The following PIKFYVE variants were observed in gnomAD, a reference collection of about 807,000 sequenced individuals.
PIKFYVE encodes phosphoinositide kinase, FYVE-type zinc finger containing.
PIKFYVE carries 122 observed loss-of-function variants against 257.9 expected under a neutral mutation model. That is an observed-to-expected ratio of 0.47 (90% confidence interval 0.41 to 0.55). The LOEUF (loss-of-function observed/expected upper bound fraction) is 0.55. Among genes scored for constraint, PIKFYVE ranks in the 20% least tolerant of loss-of-function variants. The pLI is 0.00. For synonymous variants in PIKFYVE, 892 were observed against 868.9 expected, an observed-to-expected ratio of 1.03 and a Z score of -0.47; for missense variants, 2,160 against 2,536.6, an observed-to-expected ratio of 0.85 and a Z score of 3.19.
rs1695363665 is a variant in PIKFYVE at position 208,315,250 on chromosome 2, A to C, written c.1884A>C (p.Ser628=). The change falls in exon 15 of 42, where the codon TCA becomes TCC. Residue 628 remains serine, a synonymous_variant. Transcript: ENST00000264380. ...ALLQQLLHSD[S]LSSSWRDIIV... ...TCCAGCAGTTGCTCCATAGTGACTCACTGTCATCATCTTGGAGGGACATCA... is the reference window on the plus strand; with the variant it reads ...TCCAGCAGTTGCTCCATAGTGACTCCCTGTCATCATCTTGGAGGGACATCA... 1 of 1,614,110 alleles carries C rather than the reference A, an allele frequency of 6.2e-7. No homozygotes were observed. The highest frequency in any genetic ancestry group is 8.5e-7 in the Non-Finnish European group (1 of 1,179,960).
chr2:208,356,747 G>A lies in PIKFYVE; in HGVS notation c.*1442G>A, dbSNP rs1248535344. On this transcript the variant is annotated 3_prime_UTR_variant, in exon 42 of 42. Transcript: ENST00000264380. The stretch of plus-strand genomic sequence containing the variant: ...TTATTTTAAAAAGTGATCAGAAGTA[G>A]TAAACTATCTTTGAGGAAATACTGT... 2 of 152,624 alleles carry A rather than the reference G, an allele frequency of 1.3e-5. No individual in the cohort carries two copies. Among genetic ancestry groups the A allele is most frequent in the East Asian group, 3.8e-4 (2 of 5,202 alleles). The allele number at this position is 152,624 out of a possible 1,614,324, so 9.5% of individuals were successfully genotyped here. A position where few individuals can be genotyped will look rare whatever the true frequency, so the allele number is the denominator to read the frequency against.
Position 208,302,263 on chromosome 2 carries a change from A to G in PIKFYVE, c.1230A>G (p.Gly410=), listed in dbSNP as rs1693788317. 2 of 1,614,000 alleles carry G rather than the reference A, an allele frequency of 1.2e-6. No individual in the cohort carries two copies. The highest frequency in any genetic ancestry group is 1.7e-6 in the Non-Finnish European group (2 of 1,179,986). ...TCAGGGCACAAGCTATAGCAATTGG[A>G]CAAGCAATGGTTGATGGACGTTGGC... ...IATRAQAIAI[G]QAMVDGRWLD... Residue 410 remains glycine, a synonymous_variant, in exon 10 of 42, where the codon GGA becomes GGG. Transcript: ENST00000264380.
intron 5 of PIKFYVE, among the ~76,000 whole-genome samples, chr2:208,280,947 G>A (rs1690726418): frequency 6.7e-6 from 1 of 149,996 alleles, no homozygotes; most frequent in Non-Finnish European, 1.5e-5. Context: ...CTAAAGTGCT[G>A]CCTATTGGCC....
rs971881269 is a variant in PIKFYVE, at chr2:208,349,696, A to G, written c.5375-328A>G. Among the ~76,000 whole-genome samples the G allele has an allele frequency of 3.9e-5, 6 of 152,106 alleles. No individual in the cohort carries two copies. The East Asian group carries it at 7.7e-4, about 20-fold the overall frequency. ...TTCTACACACATGGGGAAAATAGTC[A>G]TAATAAAGAAGCCATGGAAGTTCTT... On this transcript the variant is annotated intron_variant, in intron 35 of 41. Coordinates refer to ENST00000264380, the MANE Select transcript of PIKFYVE (RefSeq NM_015040.4).
At chr2:208,266,785 G>C (rs1029721892) in intron 1 of PIKFYVE, among the ~76,000 whole-genome samples, 4 of 152,214 alleles carry the variant, frequency 2.6e-5, no homozygotes, top group African/African-American at 7.2e-5. Flanking sequence ...TGTCAGAGGC[G>C]CATCCGTAGG....
intron 14 of PIKFYVE, 34 bp downstream of exon 14, chr2:208,314,457 A>G (rs536526646): frequency 6.3e-7 from 1 of 1,590,622 alleles, no homozygotes; most frequent in East Asian, 2.3e-5. Flanking sequence ...TTAATTTTTC[A>G]CTTTTATTAT....
At chr2:208,299,125 C>T (rs1338621404) in intron 8 of PIKFYVE, among the ~76,000 whole-genome samples, 2 of 152,052 alleles carry the variant, frequency 1.3e-5, no homozygotes, top group African/African-American at 2.4e-5. Context: ...AGGTGTGAGC[C>T]ACTGCACCCA....
Position 208,354,136 on chromosome 2 carries a change from A to G in PIKFYVE, c.6083A>G (p.Asn2028Ser), listed in dbSNP as rs769033636. ...CTGGTTGGGCGAGATGATACTAGCA[A>G]TGAGCTAGTAGTTGGAATTATAGGT... The part of the protein sequence containing the change: ...SLLVGRDDTS[N>S]ELVVGIIDYI... The change falls in exon 40 of 42, where the codon AAT becomes AGT. Residue 2028 changes from asparagine (N) to serine (S), a missense_variant. By Grantham distance (46) the Asn-to-Ser change is conservative. Coordinates refer to ENST00000264380, the MANE Select transcript of PIKFYVE (RefSeq NM_015040.4). 10 of 1,613,418 alleles carry G rather than the reference A, an allele frequency of 6.2e-6. No homozygotes were observed. In the African/African-American group the frequency reaches 6.7e-5, roughly 11 times the overall value.
In PIKFYVE at chr2:208,335,580, TAAAAA is replaced by T. The variant is rs1559149005; in HGVS notation, c.4256+163_4256+167del. ...AATTGTAGACGCTATGGAAAGATAATAAAAAAGAAGCCAAACTCTTTTAGACATAA... is the reference window on the plus strand; with the variant it reads ...AATTGTAGACGCTATGGAAAGATAATAGAAGCCAAACTCTTTTAGACATAA... On this transcript the variant is annotated intron_variant, in intron 25 of 41. Coordinates refer to ENST00000264380, the MANE Select transcript of PIKFYVE (RefSeq NM_015040.4). Among the ~76,000 whole-genome samples the T allele has an allele frequency of 2.6e-5, 4 of 152,080 alleles. No homozygotes were observed. In the South Asian group the frequency reaches 8.3e-4, roughly 32 times the overall value.
At position 208,342,612 on chromosome 2, in the gene PIKFYVE, G is replaced by A. The variant is rs139010596; in HGVS notation, c.4990G>A (p.Glu1664Lys). Residue 1664 changes from glutamate (E) to lysine (K), a missense_variant, in exon 32 of 42, where the codon GAG becomes AAG. Coordinates refer to ENST00000264380, the MANE Select transcript of PIKFYVE (RefSeq NM_015040.4). ...EHERVPIAVC[E>K]KEPSSIIAFA... The stretch of plus-strand genomic sequence containing the variant: ...TGAACGAGTGCCCATTGCAGTCTGC[G>A]AGAAGGAACCCAGCTCCATCATTGC... 45 of 1,613,704 alleles carry A rather than the reference G, an allele frequency of 2.8e-5. No individual in the cohort carries two copies. Among genetic ancestry groups the A allele is most frequent in the African/African-American group, 4.0e-5 (3 of 74,898 alleles).
intron 23 of PIKFYVE, among the ~76,000 whole-genome samples, chr2:208,331,532 A>G (rs910984167): frequency 6.6e-6 from 1 of 152,080 alleles, no homozygotes; most frequent in African/African-American, 2.4e-5. Context: ...ATGCGCCACT[A>G]TGCCCAGCTA....
At chr2:208,292,856 TC>T (rs1199431103) in intron 7 of PIKFYVE, among the ~76,000 whole-genome samples, 8 of 152,252 alleles carry the variant, frequency 5.3e-5, no homozygotes, top group African/African-American at 1.7e-4. Context: ...TTGGTTTTGA[TC>T]CATTCTAACC....
chr2:208,354,925 G>A (rs932321667), intron 41 of PIKFYVE, among the ~76,000 whole-genome samples: 2 of 152,208 alleles, frequency 1.3e-5, no homozygotes, highest in African/African-American at 2.4e-5. Flanking sequence ...AGACTTCCAA[G>A]TTCTCTAAGC....
At chr2:208,306,390 A>T (rs562711221) in intron 12 of PIKFYVE, among the ~76,000 whole-genome samples, 2 of 152,362 alleles carry the variant, frequency 1.3e-5, no homozygotes, top group South Asian at 4.1e-4. Context: ...AAACTTACAG[A>T]TGTGGGTCAG....
At chr2:208,342,229 A>G (rs1470004713) in intron 31 of PIKFYVE, among the ~76,000 whole-genome samples, 3 of 152,268 alleles carry the variant, frequency 2.0e-5, no homozygotes, top group African/African-American at 4.8e-5. Flanking sequence ...CTTCTCCACA[A>G]TTTCTAGAAG....
chr2:208,333,519 A>C, intron 24 of PIKFYVE, 26 bp downstream of exon 24: 1 of 1,601,110 alleles, frequency 6.2e-7, no homozygotes, highest in Non-Finnish European at 8.6e-7. Flanking sequence ...AATCTTGTGC[A>C]TGATCTCAGA....
At chr2:208,322,350 G>A (rs1279634156) in intron 17 of PIKFYVE, among the ~76,000 whole-genome samples, 1 of 131,592 alleles carries the variant, frequency 7.6e-6, no homozygotes, top group Non-Finnish European at 1.6e-5. Context: ...TCCAGCCTGG[G>A]TAACAGAATG....
At chr2:208,281,098 T>G (rs1202665192) in intron 5 of PIKFYVE, among the ~76,000 whole-genome samples, 2 of 152,230 alleles carry the variant, frequency 1.3e-5, no homozygotes, top group African/African-American at 2.4e-5. Flanking sequence ...CTCACAAATT[T>G]ATTTCTCATA....
At chr2:208,280,176 C>G (rs909375539) in intron 5 of PIKFYVE, among the ~76,000 whole-genome samples, 3 of 152,136 alleles carry the variant, frequency 2.0e-5, no homozygotes, top group Non-Finnish European at 4.4e-5. Context: ...TGTTAGCTTC[C>G]TAGGTCTGCC....
Sources: gnomAD v4.1 joint callset for allele counts (sites outside exome capture counted in the v4.1 genomes callset) on GRCh38, gnomAD v4.1.1 for gene constraint, MANE v1.5 for transcripts, NCBI Gene and HGNC (gene_info 2026-07-23, HGNC 2026-07-21) for gene names.